The following RBM20 variants were observed in gnomAD, a reference collection of about 807,000 sequenced individuals.
RBM20 encodes the protein RNA binding motif protein 20, also known as RNA-binding protein 20.
RBM20 carries 51 observed loss-of-function variants against 110.1 expected under a neutral mutation model. The ratio of observed to expected loss-of-function variants is 0.46; its 90% CI spans 0.37 to 0.59. The LOEUF is 0.59. RBM20 is among the 20% of genes least tolerant of loss of function. The probability of loss-of-function intolerance (pLI) is 0.00; values close to 1 mark genes in which losing one functional copy is unlikely to be tolerated. For missense variants in RBM20, 1,512 were observed against 1,574.9 expected, an observed-to-expected ratio of 0.96 and a Z score of 0.68; for synonymous variants, 589 against 618.2, an observed-to-expected ratio of 0.95 and a Z score of 0.70.
intron 7 of RBM20, among the ~76,000 whole-genome samples, chr10:110,810,121 G>A (rs930166321): frequency 1.1e-4 from 17 of 151,748 alleles, no homozygotes; most frequent in Non-Finnish European, 1.5e-5. Flanking sequence ...AATGCTGCTT[G>A]TCTCCAGCAC....
intron 1 of RBM20, among the ~76,000 whole-genome samples, chr10:110,668,455 A>G (rs934961659): frequency 6.6e-6 from 1 of 152,322 alleles, no homozygotes; most frequent in Non-Finnish European, 1.5e-5. Flanking sequence ...TAATTGGCAC[A>G]TATTTTTCTA....
At chr10:110,689,747 C>T (rs1862559168) in intron 1 of RBM20, among the ~76,000 whole-genome samples, 1 of 152,154 alleles carries the variant, frequency 6.6e-6, no homozygotes, top group South Asian at 2.1e-4. Context: ...CATTTAGTGA[C>T]AATTGGCATA....
intron 9 of RBM20, among the ~76,000 whole-genome samples, chr10:110,817,181 C>T (rs1424071342): frequency 1.3e-5 from 2 of 152,192 alleles, no homozygotes; most frequent in Non-Finnish European, 2.9e-5. Context: ...CATGATGGGA[C>T]CATGGCTGAC....
At chr10:110,716,320 C>G (rs1207090608) in intron 1 of RBM20, among the ~76,000 whole-genome samples, 1 of 152,134 alleles carries the variant, frequency 6.6e-6, no homozygotes, top group Non-Finnish European at 1.5e-5. Context: ...TGCATACCAC[C>G]CTCACCCCAG....
At chr10:110,698,151 G>A (rs964967066) in intron 1 of RBM20, among the ~76,000 whole-genome samples, 13 of 152,080 alleles carry the variant, frequency 8.5e-5, no homozygotes, top group South Asian at 2.1e-4. Context: ...CTCATGATCC[G>A]CCCACCTCGG....
chr10:110,723,408 C>T (rs1371423392), intron 1 of RBM20, among the ~76,000 whole-genome samples: 2 of 152,132 alleles, frequency 1.3e-5, no homozygotes, highest in Non-Finnish European at 2.9e-5. Flanking sequence ...GTGGATTTGC[C>T]TCATCTGGAC....
chr10:110,649,348 A>G (rs61861722), intron 1 of RBM20, among the ~76,000 whole-genome samples: 33,157 of 152,164 alleles, frequency 0.22, 4,567 homozygotes, highest in Middle Eastern at 0.34. Context: ...GAACAAATTG[A>G]TATAGCTCAA....
chr10:110,796,368 A>G (rs1036434618), intron 5 of RBM20, among the ~76,000 whole-genome samples: 2 of 152,226 alleles, frequency 1.3e-5, no homozygotes, highest in African/African-American at 4.8e-5. Flanking sequence ...CAATTCCAAT[A>G]ATTATCAAAA....
At chr10:110,790,694 A>G (rs1393161941) in intron 5 of RBM20, among the ~76,000 whole-genome samples, 1 of 152,208 alleles carries the variant, frequency 6.6e-6, no homozygotes, top group Non-Finnish European at 1.5e-5. Context: ...CTTTCAATAT[A>G]TATTTAAATC....
chr10:110,806,267 CAAA>C (rs34718509), intron 7 of RBM20, among the ~76,000 whole-genome samples: 2 of 127,950 alleles, frequency 1.6e-5, no homozygotes, highest in African/African-American at 5.9e-5. Flanking sequence ...GACTCCGTCT[CAAA>C]AAAAAAAAAA....
chr10:110,684,424 C>CAAAACAAAACAAAAG (rs796315158), intron 1 of RBM20, among the ~76,000 whole-genome samples: 2 of 151,106 alleles, frequency 1.3e-5, no homozygotes, highest in African/African-American at 4.9e-5. Flanking sequence ...CAAAACAAAA[C>CAAAACAAAACAAAAG]AAAAGAAAAA....
At chr10:110,733,666 C>T (rs868070183) in intron 1 of RBM20, among the ~76,000 whole-genome samples, 7 of 152,336 alleles carry the variant, frequency 4.6e-5, no homozygotes, top group Non-Finnish European at 5.9e-5. Context: ...ATATTGGCTT[C>T]GCTCTGGCCA....
At chr10:110,777,092 C>T (rs918347067) in intron 1 of RBM20, among the ~76,000 whole-genome samples, 7 of 152,194 alleles carry the variant, frequency 4.6e-5, no homozygotes, top group African/African-American at 1.4e-4. Flanking sequence ...ATTTTGTTCA[C>T]GGCAATTACT....
intron 7 of RBM20, among the ~76,000 whole-genome samples, chr10:110,804,354 A>G (rs894854118): frequency 2.6e-5 from 4 of 152,144 alleles, no homozygotes; most frequent in Non-Finnish European, 5.9e-5. Flanking sequence ...TAGAGGGCAA[A>G]CACTGTATCC....
At chr10:110,690,413 A>C (rs1043839907) in intron 1 of RBM20, among the ~76,000 whole-genome samples, 19 of 152,160 alleles carry the variant, frequency 1.2e-4, no homozygotes, top group Non-Finnish European at 2.6e-4. Flanking sequence ...CTCAAAAAAA[A>C]ACAAAAAAAC....
At chr10:110,730,401 G>A (rs1246431030) in intron 1 of RBM20, among the ~76,000 whole-genome samples, 1 of 152,178 alleles carries the variant, frequency 6.6e-6, no homozygotes, top group Non-Finnish European at 1.5e-5. Context: ...CTCCTTTCTT[G>A]GGTGTCCAGC....
At chr10:110,749,282 T>C (rs2134982517) in intron 1 of RBM20, among the ~76,000 whole-genome samples, 1 of 152,350 alleles carries the variant, frequency 6.6e-6, no homozygotes, top group South Asian at 2.1e-4. Flanking sequence ...TCTTTTATTA[T>C]ATGTAATACT....
chr10:110,722,299 G>A (rs1843518261), intron 1 of RBM20, among the ~76,000 whole-genome samples: 1 of 152,094 alleles, frequency 6.6e-6, no homozygotes, highest in South Asian at 2.1e-4. Context: ...ACAAAATTGA[G>A]AGGAAGGTAC....
At chr10:110,827,955 G>T (rs191955630) in intron 12 of RBM20, 5 of 152,196 alleles carry the variant, frequency 3.3e-5, no homozygotes, top group African/African-American at 1.2e-4. Flanking sequence ...GAGGCCAGTC[G>T]CGTTGCTCGG....
Sources: allele counts gnomAD v4.1 joint callset (sites outside exome capture counted in the v4.1 genomes callset), GRCh38; gene constraint gnomAD v4.1.1; transcripts MANE v1.5; gene names NCBI Gene and HGNC (gene_info 2026-07-23, HGNC 2026-07-21).